The following GALNTL6 variants were observed in gnomAD, a reference collection of about 807,000 sequenced individuals.
GALNTL6 encodes polypeptide N-acetylgalactosaminyltransferase-like 6.
A neutral mutation model predicts 73.7 loss-of-function variants in GALNTL6; 46 were observed. The observed-to-expected ratio is 0.62, with a 90% confidence interval of 0.49 to 0.80. GALNTL6 has a LOEUF of 0.80. Ranked by LOEUF, GALNTL6 falls within the 30% of genes least tolerant of loss-of-function variation. The probability of loss-of-function intolerance (pLI) is 0.00; values close to 1 mark genes in which losing one functional copy is unlikely to be tolerated. For missense variants in GALNTL6, 604 were observed against 755.0 expected (o/e 0.80, Z 2.34); for synonymous variants, 259 against 263.7 (o/e 0.98, Z 0.17).
At chr4:171,927,628 C>G (rs138450810) in intron 2 of GALNTL6, among the ~76,000 whole-genome samples, 1 of 151,950 alleles carries the variant, frequency 6.6e-6, no homozygotes, top group Non-Finnish European at 1.5e-5. Context: ...TCCTACCACT[C>G]TCTGTTTTGT....
intron 2 of GALNTL6, among the ~76,000 whole-genome samples, chr4:171,962,765 C>CTTTTTT (rs139917729): frequency 0.017 from 1,976 of 113,690 alleles, 46 homozygotes; most frequent in African/African-American, 0.023. Context: ...CTTGCTTTTA[C>CTTTTTT]TTTTTTTTTT....
At chr4:172,832,569 C>A (rs576921207) in intron 7 of GALNTL6, among the ~76,000 whole-genome samples, 1 of 152,180 alleles carries the variant, frequency 6.6e-6, no homozygotes, top group African/African-American at 2.4e-5. Flanking sequence ...TCAAAAATTT[C>A]TCTCCAAAGA....
chr4:172,892,445 G>A (rs950208043), intron 8 of GALNTL6, among the ~76,000 whole-genome samples: 8 of 152,064 alleles, frequency 5.3e-5, no homozygotes, highest in African/African-American at 1.4e-4. Flanking sequence ...TTCCTGCTTT[G>A]GGTTTCACAG....
intron 5 of GALNTL6, among the ~76,000 whole-genome samples, chr4:172,728,253 C>T (rs936084632): frequency 6.6e-6 from 1 of 152,118 alleles, no homozygotes; most frequent in East Asian, 1.9e-4. Context: ...TTATATCCTT[C>T]TTCCTTTTCT....
intron 7 of GALNTL6, among the ~76,000 whole-genome samples, chr4:172,877,649 C>T (rs1330149368): frequency 1.3e-5 from 2 of 151,202 alleles, no homozygotes; most frequent in Non-Finnish European, 3.0e-5. Context: ...TATTTATTAC[C>T]TTATTTAACA....
At chr4:172,898,201 A>G (rs940040661) in intron 8 of GALNTL6, among the ~76,000 whole-genome samples, 6 of 152,030 alleles carry the variant, frequency 3.9e-5, no homozygotes, top group Non-Finnish European at 8.8e-5. Flanking sequence ...GCTCTTCTTC[A>G]TATGTCTCAT....
chr4:172,153,942 A>C (rs1413950411), intron 2 of GALNTL6, among the ~76,000 whole-genome samples: 1 of 152,224 alleles, frequency 6.6e-6, no homozygotes, highest in Non-Finnish European at 1.5e-5. Flanking sequence ...GCTGCCCGGG[A>C]ACATTTAAAT....
intron 5 of GALNTL6, among the ~76,000 whole-genome samples, chr4:172,406,559 A>G (rs1230924070): frequency 6.6e-6 from 1 of 152,024 alleles, no homozygotes; most frequent in Non-Finnish European, 1.5e-5. Flanking sequence ...AGACTATTGA[A>G]CTGAATATCA....
chr4:172,415,373 A>G (rs1730783899), intron 5 of GALNTL6, among the ~76,000 whole-genome samples: 2 of 152,192 alleles, frequency 1.3e-5, no homozygotes, highest in East Asian at 3.9e-4. Flanking sequence ...TTCATATTCT[A>G]TGTCCAGCAC....
chr4:171,931,439 G>T (rs1204361203), intron 2 of GALNTL6, among the ~76,000 whole-genome samples: 1 of 152,158 alleles, frequency 6.6e-6, no homozygotes, highest in Non-Finnish European at 1.5e-5. Context: ...GGACATTCTT[G>T]TTGACAGTTC....
In GALNTL6 at chr4:172,962,703, G is replaced by GA. The variant is rs1561058538; in HGVS notation, c.1371+10447dup. Among the ~76,000 whole-genome samples the GA allele has an allele frequency of 1.3e-4, 20 of 152,204 alleles. No individual in the cohort carries two copies. In the South Asian group the frequency reaches 3.7e-3, roughly 28 times the overall value. ...TCACCATTTTATGCACTTGTACTTG[G>GA]AACAGTTTTCCACCTGCTTGTCTGC... On this transcript the variant is annotated intron_variant, in intron 10 of 12. Transcript: ENST00000506823.
intron 5 of GALNTL6, among the ~76,000 whole-genome samples, chr4:172,673,708 C>A (rs111312246): frequency 3.3e-5 from 5 of 152,086 alleles, no homozygotes; most frequent in African/African-American, 1.2e-4. Context: ...TTGAATTGAA[C>A]CCTTTATTGT....
chr4:172,826,401 C>G lies in GALNTL6; in HGVS notation c.923+12678C>G, dbSNP rs530174234. ...TCTGTGCCTCCACAGCCCATGGGCA[C>G]ACACGATGCAGGTGGACAAGGAAGC... On this transcript the variant is annotated intron_variant, in intron 7 of 12. Coordinates refer to ENST00000506823, the MANE Select transcript of GALNTL6 (RefSeq NM_001034845.3). Among the ~76,000 whole-genome samples, 21 of 152,238 alleles carry G rather than the reference C, an allele frequency of 1.4e-4. 1 individual carries two copies. The highest frequency in any genetic ancestry group is 6.5e-4 in the Admixed American group (10 of 15,290).
chr4:172,547,576 T>C (rs540324390), intron 5 of GALNTL6, among the ~76,000 whole-genome samples: 1 of 152,170 alleles, frequency 6.6e-6, no homozygotes, highest in Non-Finnish European at 1.5e-5. Context: ...TGTGAAAAGT[T>C]CATGAGTAAC....
At chr4:172,712,202 C>A (rs1734748536) in intron 5 of GALNTL6, among the ~76,000 whole-genome samples, 1 of 152,064 alleles carries the variant, frequency 6.6e-6, no homozygotes, top group African/African-American at 2.4e-5. Context: ...AAACTTGCTA[C>A]AAGTAAAATA....
chr4:172,921,741 G>A (rs1188330869), intron 8 of GALNTL6, among the ~76,000 whole-genome samples: 1 of 149,682 alleles, frequency 6.7e-6, no homozygotes, highest in East Asian at 2.0e-4. Flanking sequence ...GTTGCAGTGA[G>A]CCATGATCGC....
intron 2 of GALNTL6, among the ~76,000 whole-genome samples, chr4:171,823,741 G>GT (rs1734745303): frequency 6.6e-6 from 1 of 151,470 alleles, no homozygotes; most frequent in Admixed American, 6.6e-5. Flanking sequence ...TTGTCAATAA[G>GT]TAAGCAAGCT....
At chr4:172,952,890 T>C (rs1002107480) in intron 10 of GALNTL6, among the ~76,000 whole-genome samples, 14 of 152,212 alleles carry the variant, frequency 9.2e-5, no homozygotes, top group African/African-American at 3.1e-4. Context: ...TTGTAGAGAA[T>C]TGATATATCT....
chr4:171,923,420 C>A (rs1162859006), intron 2 of GALNTL6, among the ~76,000 whole-genome samples: 1 of 122,294 alleles, frequency 8.2e-6, no homozygotes, highest in Admixed American at 8.5e-5. Flanking sequence ...TTTTTTGAGA[C>A]GGAGTCTCGC....
Sources: gnomAD v4.1 joint callset for allele counts (sites outside exome capture counted in the v4.1 genomes callset) on GRCh38, gnomAD v4.1.1 for gene constraint, MANE v1.5 for transcripts, NCBI Gene and HGNC (gene_info 2026-07-23, HGNC 2026-07-21) for gene names.